The following LRPPRC variants were observed in gnomAD, a reference collection of about 807,000 sequenced individuals.
The protein encoded by LRPPRC is leucine rich pentatricopeptide repeat containing, also known as leucine-rich PPR motif-containing protein, mitochondrial.
Under a neutral mutation model 180.3 loss-of-function variants are expected in LRPPRC, and 120 were observed. That is an observed-to-expected ratio of 0.67 (90% CI 0.57 to 0.77). The LOEUF (loss-of-function observed/expected upper bound fraction) is 0.77. Ranked by LOEUF, LRPPRC falls within the 30% of genes least tolerant of loss-of-function variation. The pLI is 0.00. For missense variants in LRPPRC, 2,012 were observed against 1,657.2 expected, an observed-to-expected ratio of 1.21 and a Z score of -3.72; for synonymous variants, 723 against 600.0, an observed-to-expected ratio of 1.21 and a Z score of -3.00.
At chr2:43,966,466 A>G (rs1673564284) in intron 11 of LRPPRC, among the ~76,000 whole-genome samples, 1 of 151,074 alleles carries the variant, frequency 6.6e-6, no homozygotes, top group African/African-American at 2.4e-5. Context: ...GCTGGAGTGC[A>G]ATGGTGCGAT....
chr2:43,943,444 T>C (rs920771395), intron 23 of LRPPRC, among the ~76,000 whole-genome samples: 1 of 151,982 alleles, frequency 6.6e-6, no homozygotes, highest in South Asian at 2.1e-4. Context: ...AGATTCAAAT[T>C]CAAGTGATCA....
intron 35 of LRPPRC, among the ~76,000 whole-genome samples, chr2:43,894,963 A>C (rs371507100): frequency 4.5e-4 from 68 of 152,354 alleles, no homozygotes; most frequent in African/African-American, 1.4e-3. Flanking sequence ...TAACAACCCT[A>C]TCTTTAGGTG....
chr2:43,970,637 A>G (rs116087841), intron 11 of LRPPRC, among the ~76,000 whole-genome samples: 2,851 of 152,338 alleles, frequency 0.019, 85 homozygotes, highest in African/African-American at 0.066. Flanking sequence ...AATCTAGAGG[A>G]AAGTCTCCAT....
chr2:43,901,213 C>T, intron 32 of LRPPRC, 107 bp downstream of exon 32: 2 of 755,902 alleles, frequency 2.6e-6, no homozygotes, highest in Non-Finnish European at 4.7e-6. Flanking sequence ...ATTTCCTCTG[C>T]AGTTGATAAG....
chr2:43,957,474 T>C, intron 13 of LRPPRC, 23 bp from the exon 14 acceptor site: 1 of 1,583,050 alleles, frequency 6.3e-7, no homozygotes, highest in Non-Finnish European at 8.7e-7. Context: ...ATGACCATCA[T>C]TAAATCTCAG....
intron 2 of LRPPRC, among the ~76,000 whole-genome samples, chr2:43,980,890 C>T (rs150651543): frequency 1.3e-5 from 2 of 152,162 alleles, no homozygotes; most frequent in East Asian, 3.9e-4. Flanking sequence ...GAAAATGTTC[C>T]AAAACTGATT....
Position 43,912,507 on chromosome 2 carries a change from G to A in LRPPRC, c.3200C>T (p.Ala1067Val). 1 of 1,600,224 alleles carries A rather than the reference G, an allele frequency of 6.2e-7. No homozygotes were observed. The highest frequency in any genetic ancestry group is 8.6e-7 in the Non-Finnish European group (1 of 1,167,644). Residue 1067 changes from alanine to valine, a missense_variant, in exon 30 of 38, where the codon GCT becomes GTT. Coordinates refer to ENST00000260665, the MANE Select transcript of LRPPRC (RefSeq NM_133259.4). ...NAKEQNIVFN[A>V]ETYSNLIKLL... ...TTTAATGAGATTGCTGTAGGTTTCA[G>A]CATTAAACACAATGTTTTGCTCTTT... is the stretch of plus-strand genomic sequence containing the variant.
chr2:43,954,710 A>T (rs908206041), intron 14 of LRPPRC, among the ~76,000 whole-genome samples: 1 of 152,216 alleles, frequency 6.6e-6, no homozygotes, highest in African/African-American at 2.4e-5. Context: ...TATGGACATA[A>T]TATGTAATGT....
chr2:43,894,729 A>T lies in LRPPRC; in HGVS notation c.3901-100T>A, dbSNP rs1286644965. 1.9e-5 allele frequency: 14 copies of T among 721,192 alleles called. No homozygotes were observed. The Admixed American group carries it at 2.5e-4, about 13-fold the overall frequency. 44.7% of individuals were successfully genotyped at this position (721,192 alleles called of 1,614,324 possible). On this transcript the variant is annotated intron_variant, in intron 35 of 37. Coordinates refer to ENST00000260665, the MANE Select transcript of LRPPRC (RefSeq NM_133259.4). ...TATATTAAAAATTTTCACAATAATT[A>T]TAACAGAACTACCTATTAAATTTAA...
At chr2:43,932,629 G>C (rs758977522) in intron 25 of LRPPRC, among the ~76,000 whole-genome samples, 4 of 152,004 alleles carry the variant, frequency 2.6e-5, no homozygotes, top group Non-Finnish European at 5.9e-5. Context: ...AATTATGTGA[G>C]GTAAAGAAGA....
chr2:43,898,411 C>T (rs552954581), intron 34 of LRPPRC, among the ~76,000 whole-genome samples: 4 of 152,166 alleles, frequency 2.6e-5, no homozygotes, highest in South Asian at 2.1e-4. Flanking sequence ...ATTGGTCCCA[C>T]GCCTCAATTT....
chr2:43,920,481 G>C (rs1671660147), intron 27 of LRPPRC, among the ~76,000 whole-genome samples: 1 of 151,982 alleles, frequency 6.6e-6, no homozygotes, highest in African/African-American at 2.4e-5. Flanking sequence ...AGGCCCAGAT[G>C]GCAGAAATTA....
At chr2:43,972,481 G>C (rs1253869828) in intron 11 of LRPPRC, among the ~76,000 whole-genome samples, 2 of 152,290 alleles carry the variant, frequency 1.3e-5, no homozygotes, top group South Asian at 4.1e-4. Context: ...TTTCATACTT[G>C]TGTAAAGGTG....
At chr2:43,986,207 T>C (rs1019632447) in intron 1 of LRPPRC, among the ~76,000 whole-genome samples, 2 of 152,154 alleles carry the variant, frequency 1.3e-5, no homozygotes, top group African/African-American at 4.8e-5. Context: ...CTCAGGTCAC[T>C]GCAACCTCTG....
At chr2:43,988,649 G>A (rs1043151636) in intron 1 of LRPPRC, among the ~76,000 whole-genome samples, 6 of 151,922 alleles carry the variant, frequency 3.9e-5, no homozygotes, top group East Asian at 1.9e-4. Flanking sequence ...ATGGAGTCTC[G>A]CTCTGTCACC....
chr2:43,923,951 T>C (rs1671787023), intron 27 of LRPPRC, among the ~76,000 whole-genome samples: 1 of 152,170 alleles, frequency 6.6e-6, no homozygotes, highest in Admixed American at 6.5e-5. Flanking sequence ...ATACATTCAA[T>C]ACCAAACTCA....
intron 30 of LRPPRC, among the ~76,000 whole-genome samples, chr2:43,911,520 CTTCTTTT>C (rs1248772105): frequency 2.2e-4 from 25 of 113,486 alleles, no homozygotes; most frequent in African/African-American, 8.6e-4. Flanking sequence ...TCTTCTTCTT[CTTCTTTT>C]TTTTTTTTTT....
chr2:43,949,091 T>G (rs1033203002), intron 16 of LRPPRC, among the ~76,000 whole-genome samples: 15 of 152,202 alleles, frequency 9.9e-5, no homozygotes, highest in African/African-American at 3.6e-4. Flanking sequence ...TATAGGGCCA[T>G]GTTACAGTAA....
At chr2:43,939,247 C>T (rs1456246747) in intron 23 of LRPPRC, among the ~76,000 whole-genome samples, 1 of 151,700 alleles carries the variant, frequency 6.6e-6, no homozygotes, top group Non-Finnish European at 1.5e-5. Context: ...TGCCACTGCA[C>T]TCCAGCCTGG....
Sources: allele counts gnomAD v4.1 joint callset (sites outside exome capture counted in the v4.1 genomes callset), GRCh38; gene constraint gnomAD v4.1.1; transcripts MANE v1.5; gene names NCBI Gene and HGNC (gene_info 2026-07-23, HGNC 2026-07-21).